Variants in CBLN2 observed in about 807,000 individuals in gnomAD.
CBLN2 encodes the protein cerebellin-2.
A neutral mutation model predicts 15.0 loss-of-function variants in CBLN2; 7 were observed. The ratio of observed to expected loss-of-function variants is 0.47; its 90% CI spans 0.27 to 0.88. The LOEUF is 0.88. Among genes scored for constraint, CBLN2 ranks in the 40% least tolerant of loss-of-function variants. The probability of loss-of-function intolerance (pLI) is 0.14; values close to 1 mark genes in which losing one functional copy is unlikely to be tolerated. For missense variants in CBLN2, 242 were observed against 304.5 expected, an observed-to-expected ratio of 0.79 and a Z score of 1.53; for synonymous variants, 149 against 135.2, an observed-to-expected ratio of 1.10 and a Z score of -0.71.
In CBLN2 at chr18:72,604,706, T is replaced by TAAG. The variant is rs150975201; in HGVS notation, c.15+33616_15+33618dup. On this transcript the variant is annotated intron_variant, in intron 1 of 2. Coordinates refer to the CBLN2 transcript ENST00000581073. ...CAAAGGAGTAGGACTGGTGGCTTTA[T>TAAG]AAGAAGAAGAAGATGAACCTGAGCT... Among the ~76,000 whole-genome samples, 8 of 152,322 alleles carry TAAG rather than the reference T, an allele frequency of 5.3e-5. No individual in the cohort carries two copies. The South Asian group carries it at 1.7e-3, about 32-fold the overall frequency.
chr18:72,590,457 A>G (rs547534718), intron 1 of CBLN2, among the ~76,000 whole-genome samples: 27 of 152,320 alleles, frequency 1.8e-4, no homozygotes, highest in African/African-American at 5.5e-4. Flanking sequence ...CTCAAAAAAA[A>G]AAGTGGTTTT....
At chr18:72,623,037 G>T (rs144189430) in intron 1 of CBLN2, among the ~76,000 whole-genome samples, 2 of 152,264 alleles carry the variant, frequency 1.3e-5, no homozygotes, top group East Asian at 3.9e-4. Flanking sequence ...GGAAGCCTCA[G>T]GAAACTTACA....
chr18:72,580,297 A>T (rs991043591), intron 1 of CBLN2, among the ~76,000 whole-genome samples: 2 of 152,182 alleles, frequency 1.3e-5, no homozygotes, highest in Non-Finnish European at 2.9e-5. Context: ...TTATTATAAA[A>T]TACTAACTCA....
intron 1 of CBLN2, among the ~76,000 whole-genome samples, chr18:72,604,763 C>T (rs2069572561): frequency 6.6e-6 from 1 of 152,214 alleles, no homozygotes; most frequent in South Asian, 2.1e-4. Context: ...ACGTGATGCC[C>T]TCTGCAGAGT....
chr18:72,628,033 A>C (rs1382976394), intron 1 of CBLN2, among the ~76,000 whole-genome samples: 1 of 152,164 alleles, frequency 6.6e-6, no homozygotes, highest in Non-Finnish European at 1.5e-5. Context: ...AAATCATCAG[A>C]AATATGATTA....
At chr18:72,585,015 G>A (rs151050823) in intron 1 of CBLN2, among the ~76,000 whole-genome samples, 6 of 152,312 alleles carry the variant, frequency 3.9e-5, no homozygotes, top group East Asian at 3.9e-4. Flanking sequence ...AGCTCGCTGC[G>A]ATGCTGCATC....
At chr18:72,548,991 CTTCT>C (rs2069175650), upstream of CBLN2, among the ~76,000 whole-genome samples, 1 of 151,854 alleles carries the variant, frequency 6.6e-6, no homozygotes, top group Admixed American at 6.6e-5. Context: ...TCTTTCTTTC[CTTCT>C]TTCTTATTTA....
intron 1 of CBLN2, chr18:72,625,074 T>A (rs752870449): frequency 6.6e-6 from 1 of 152,166 alleles, no homozygotes; most frequent in Non-Finnish European, 1.5e-5. Flanking sequence ...TAAAGTCTTA[T>A]CATCAGATAG....
chr18:72,605,298 T>G (rs138155619), intron 1 of CBLN2, among the ~76,000 whole-genome samples: 164 of 152,324 alleles, frequency 1.1e-3, no homozygotes, highest in Non-Finnish European at 1.9e-3. Context: ...TACATGCTCT[T>G]CACTTTTACT....
chr18:72,597,455 T>C (rs1438993116), intron 1 of CBLN2, among the ~76,000 whole-genome samples: 1 of 152,198 alleles, frequency 6.6e-6, no homozygotes, highest in African/African-American at 2.4e-5. Flanking sequence ...AGTAACCCTA[T>C]GGCCACTATC....
upstream of CBLN2, among the ~76,000 whole-genome samples, chr18:72,548,631 A>G (rs1182633115): frequency 2.7e-5 from 4 of 146,592 alleles, no homozygotes; most frequent in Non-Finnish European, 6.0e-5. Context: ...CTGCACAGAG[A>G]TCAGAGTCCA....
chr18:72,613,506 A>T (rs57481878), intron 1 of CBLN2, among the ~76,000 whole-genome samples: 80,493 of 151,914 alleles, frequency 0.53, 25,710 homozygotes, highest in Non-Finnish European at 0.72. Context: ...TGAAAGATTA[A>T]CCTGCAATTC....
At chr18:72,628,116 G>T (rs988804680) in intron 1 of CBLN2, among the ~76,000 whole-genome samples, 6 of 152,206 alleles carry the variant, frequency 3.9e-5, no homozygotes, top group Admixed American at 3.3e-4. Flanking sequence ...CATGCAATCA[G>T]TCTCATCACA....
At chr18:72,538,924 A>C (rs1046253988) in intron 3 of CBLN2, 152 bp from the exon 4 acceptor site, 2 of 904,172 alleles carry the variant, frequency 2.2e-6, no homozygotes, top group African/African-American at 1.7e-5. Flanking sequence ...CCCAGGAAGG[A>C]GGCAGTGCTG....
upstream of CBLN2, among the ~76,000 whole-genome samples, chr18:72,548,750 TG>T (rs1445040749): frequency 6.6e-6 from 1 of 152,190 alleles, no homozygotes; most frequent in Non-Finnish European, 1.5e-5. Flanking sequence ...TTTCTGACCT[TG>T]TGCACGCAGC....
chr18:72,637,591 C>T (rs56257830), intron 1 of CBLN2, among the ~76,000 whole-genome samples: 18,970 of 152,226 alleles, frequency 0.12, 1,285 homozygotes, highest in Middle Eastern at 0.16. Flanking sequence ...CACTGTGGCT[C>T]TGTGAGCCCC....
chr18:72,568,300 C>A (rs990974121), intron 1 of CBLN2, among the ~76,000 whole-genome samples: 4 of 152,130 alleles, frequency 2.6e-5, no homozygotes, highest in African/African-American at 9.7e-5. Context: ...ACTATGGAGA[C>A]CCTCAAATAG....
At chr18:72,625,945 G>A (rs1279467885) in intron 1 of CBLN2, among the ~76,000 whole-genome samples, 2 of 150,780 alleles carry the variant, frequency 1.3e-5, no homozygotes, top group Admixed American at 6.6e-5. Context: ...TGGCAAAGTT[G>A]TGCAGAAAGC....
chr18:72,610,007 C>T (rs1168153124), intron 1 of CBLN2, among the ~76,000 whole-genome samples: 1 of 152,142 alleles, frequency 6.6e-6, no homozygotes, highest in Non-Finnish European at 1.5e-5. Context: ...TTAATGTTCC[C>T]TAATGTTCCA....
Sources: allele counts gnomAD v4.1 joint callset (sites outside exome capture counted in the v4.1 genomes callset), GRCh38; gene constraint gnomAD v4.1.1; transcripts MANE v1.5; gene names NCBI Gene and HGNC (gene_info 2026-07-23, HGNC 2026-07-21).